Variants in TBC1D19 observed in about 807,000 individuals in gnomAD.
TBC1D19 encodes TBC1 domain family member 19.
A neutral mutation model predicts 89.0 loss-of-function variants in TBC1D19; 60 were observed. The ratio of observed to expected loss-of-function variants is 0.67; its 90% CI spans 0.55 to 0.84. The LOEUF (loss-of-function observed/expected upper bound fraction) is 0.84, where lower values mean the gene tolerates loss of function less well. Among genes scored for constraint, TBC1D19 ranks in the 40% least tolerant of loss-of-function variants. The pLI, the probability that TBC1D19 is intolerant of heterozygous loss-of-function variation, is 0.00. For synonymous variants in TBC1D19, 189 were observed against 199.7 expected (o/e 0.95, Z 0.45); for missense variants, 500 against 610.8 (o/e 0.82, Z 1.91).
intron 8 of TBC1D19, among the ~76,000 whole-genome samples, chr4:26,666,115 A>G (rs996629647): frequency 2.4e-4 from 36 of 151,962 alleles, no homozygotes; most frequent in African/African-American, 8.2e-4. Flanking sequence ...AATAAATATT[A>G]TATAGTAATC....
At chr4:26,842,580 C>CT in the TBC1D19 span, among the ~76,000 whole-genome samples, 37 of 71,400 alleles carry the variant, frequency 5.2e-4, no homozygotes, top group Non-Finnish European at 9.9e-4. Context: ...TCCTTCCTCC[C>CT]TCCCTTTCTT....
In TBC1D19 at chr4:26,646,606, T is replaced by C. The variant is rs548655788; in HGVS notation, c.480+6419T>C. Among the ~76,000 whole-genome samples, 12 of 152,280 alleles carry C rather than the reference T, an allele frequency of 7.9e-5. No homozygotes were observed. The South Asian group carries it at 1.9e-3, about 24-fold the overall frequency. Reference sequence around the variant, plus strand: ...GACTGGATTAAAAAAATGTGGCACATACTATGCAGCCATTAAAAAGGGTGA... The same window carrying C: ...GACTGGATTAAAAAAATGTGGCACACACTATGCAGCCATTAAAAAGGGTGA... On this transcript the variant is annotated intron_variant, in intron 7 of 20. Coordinates refer to ENST00000264866, the MANE Select transcript of TBC1D19 (RefSeq NM_018317.4).
At position 26,738,595 on chromosome 4, in the gene TBC1D19, CCTGT is replaced by C. The variant is rs974001824; in HGVS notation, c.1118-1266_1118-1263del. ...AAAAATTAGTCTTGAAATAGACATA[CCTGT>C]CTTTTTTAAATTTTATTTATAATAC... On this transcript the variant is annotated intron_variant, in intron 16 of 20. Transcript: ENST00000264866. Among the ~76,000 whole-genome samples the C allele has an allele frequency of 2.6e-5, 4 of 151,518 alleles. 1 individual carries two copies. In the South Asian group the frequency reaches 6.3e-4, roughly 24 times the overall value.
At chr4:26,715,862 A>C (rs1716563840) in intron 13 of TBC1D19, among the ~76,000 whole-genome samples, 1 of 152,082 alleles carries the variant, frequency 6.6e-6, no homozygotes, top group African/African-American at 2.4e-5. Flanking sequence ...TGTGTCATAC[A>C]TCTGCCACAC....
chr4:26,603,508 T>C (rs1740767522), intron 1 of TBC1D19, among the ~76,000 whole-genome samples: 1 of 152,184 alleles, frequency 6.6e-6, no homozygotes, highest in African/African-American at 2.4e-5. Flanking sequence ...TCCCCATTTA[T>C]CTGAAAAAGA....
Position 26,753,730 on chromosome 4 carries a change from C to A in TBC1D19, c.1436-90C>A, listed in dbSNP as rs1578021624. On this transcript the variant is annotated intron_variant, in intron 19 of 20. Transcript: ENST00000264866. ...TGTGTAAAGCACTAGTTCTGAGTTT[C>A]CGTGCAGTGGATTTTGGGCATAGCA... is the stretch of plus-strand genomic sequence containing the variant. 4.3e-6 allele frequency: 6 copies of A among 1,382,122 alleles called. No individual in the cohort carries two copies. The East Asian group carries it at 1.4e-4, about 32-fold the overall frequency. 85.6% of individuals were successfully genotyped at this position (1,382,122 alleles called of 1,614,324 possible). A position where few individuals can be genotyped will look rare whatever the true frequency, so the allele number is the denominator to read the frequency against.
intron 1 of TBC1D19, among the ~76,000 whole-genome samples, chr4:26,577,571 G>T (rs1052136131): frequency 2.0e-5 from 3 of 152,174 alleles, no homozygotes; most frequent in Non-Finnish European, 4.4e-5. Flanking sequence ...GACAGGTTGG[G>T]TTCCCCCAGA....
At chr4:26,758,117 C>T (rs1461360144), downstream of TBC1D19, among the ~76,000 whole-genome samples, 1 of 152,108 alleles carries the variant, frequency 6.6e-6, no homozygotes, top group Non-Finnish European at 1.5e-5. Context: ...TACCATGGAG[C>T]CTATAAATTA....
At chr4:26,702,947 A>G (rs1715450398) in intron 13 of TBC1D19, among the ~76,000 whole-genome samples, 1 of 152,236 alleles carries the variant, frequency 6.6e-6, no homozygotes, top group South Asian at 2.1e-4. Context: ...TAGTAGAATC[A>G]TGTAATATTT....
At chr4:26,716,021 G>A (rs1202671059) in intron 13 of TBC1D19, among the ~76,000 whole-genome samples, 1 of 151,992 alleles carries the variant, frequency 6.6e-6, no homozygotes, top group African/African-American at 2.4e-5. Flanking sequence ...ACACTGAACA[G>A]CCTCTTTAAA....
chr4:26,739,048 C>A (rs1718198758), intron 16 of TBC1D19, among the ~76,000 whole-genome samples: 1 of 152,136 alleles, frequency 6.6e-6, no homozygotes, highest in South Asian at 2.1e-4. Context: ...TTGTATCTAT[C>A]TGCATTATAA....
chr4:26,723,265 C>T (rs553155505), intron 15 of TBC1D19, among the ~76,000 whole-genome samples: 10 of 152,082 alleles, frequency 6.6e-5, no homozygotes, highest in South Asian at 6.2e-4. Flanking sequence ...TACTCTCCCC[C>T]GCTTTTTTTT....
chr4:26,584,306 A>C lies in TBC1D19; in HGVS notation c.99+14A>C, dbSNP rs1403374619. 1 of 1,601,728 alleles carries C rather than the reference A, an allele frequency of 6.2e-7. No homozygotes were observed. Among genetic ancestry groups the C allele is most frequent in the Admixed American group, 1.7e-5 (1 of 57,612 alleles). On this transcript the variant is annotated intron_variant, in intron 1 of 20. Coordinates refer to ENST00000264866, the MANE Select transcript of TBC1D19 (RefSeq NM_018317.4). The stretch of plus-strand genomic sequence containing the variant: ...CGGCAGGCCTGGGTAAGTGAGGCCG[A>C]GTGGGAAGGGATGCAGACGGGCGGG...
the TBC1D19 span, among the ~76,000 whole-genome samples, chr4:26,819,137 C>T: frequency 6.6e-6 from 1 of 152,238 alleles, no homozygotes; most frequent in South Asian, 2.1e-4. Context: ...CAGCGACTAA[C>T]TGGTTCCTAA....
At chr4:26,826,157 G>A in the TBC1D19 span, among the ~76,000 whole-genome samples, 2 of 152,170 alleles carry the variant, frequency 1.3e-5, no homozygotes, top group South Asian at 2.1e-4. Context: ...AGCTGAGATC[G>A]TGCCATTGCA....
exon 1 of TBC1D19, chr4:26,576,746 T>C (rs914611381): frequency 2.2e-6 from 1 of 456,070 alleles, no homozygotes; most frequent in African/African-American, 2.0e-5. Context: ...CACTAGCAGA[T>C]GTCAGGGAGA....
chr4:26,671,252 A>C (rs776681775), intron 9 of TBC1D19, among the ~76,000 whole-genome samples: 2 of 151,700 alleles, frequency 1.3e-5, no homozygotes, highest in Non-Finnish European at 3.0e-5. Flanking sequence ...TGTGTATTTC[A>C]TAGTGGTTTT....
intron 9 of TBC1D19, among the ~76,000 whole-genome samples, chr4:26,670,541 A>C (rs930463722): frequency 6.6e-6 from 1 of 151,782 alleles, no homozygotes; most frequent in Non-Finnish European, 1.5e-5. Flanking sequence ...TGCAGGTAAT[A>C]GAAAAATGAC....
the TBC1D19 span, among the ~76,000 whole-genome samples, chr4:26,767,040 C>T: frequency 6.6e-6 from 1 of 152,078 alleles, no homozygotes; most frequent in Non-Finnish European, 1.5e-5. Flanking sequence ...CATGGAGGCT[C>T]ACATCTGTAA....
Sources: gnomAD v4.1 joint callset for allele counts (sites outside exome capture counted in the v4.1 genomes callset) on GRCh38, gnomAD v4.1.1 for gene constraint, MANE v1.5 for transcripts, NCBI Gene and HGNC (gene_info 2026-07-23, HGNC 2026-07-21) for gene names.